KDM4B: variants seen among roughly 807,000 people sequenced by gnomAD.
KDM4B encodes the protein lysine-specific demethylase 4B.
KDM4B carries 32 observed loss-of-function variants against 125.2 expected under a neutral mutation model. That is an observed-to-expected ratio of 0.26 (90% confidence interval 0.19 to 0.34). The LOEUF (loss-of-function observed/expected upper bound fraction) is 0.34. Ranked by LOEUF, KDM4B falls within the 10% of genes least tolerant of loss-of-function variation. The probability of loss-of-function intolerance (pLI) is 1.00; values close to 1 mark genes in which losing one functional copy is unlikely to be tolerated. For synonymous variants in KDM4B, 721 were observed against 677.9 expected, an observed-to-expected ratio of 1.06 and a Z score of -0.99; for missense variants, 1,190 against 1,577.7, an observed-to-expected ratio of 0.75 and a Z score of 4.16.
At chr19:5,123,935 C>T (rs982729077) in intron 11 of KDM4B, among the ~76,000 whole-genome samples, 4 of 133,230 alleles carry the variant, frequency 3.0e-5, no homozygotes, top group Admixed American at 1.6e-4. Context: ...GAGGGACTGG[C>T]GTGGGACAGG....
intron 1 of KDM4B, among the ~76,000 whole-genome samples, chr19:5,009,602 G>A (rs1286153350): frequency 6.6e-6 from 1 of 152,200 alleles, no homozygotes; most frequent in Admixed American, 6.5e-5. Flanking sequence ...TAGACTCACT[G>A]AACTGTTGCA....
At chr19:5,109,622 G>C (rs1349994931) in intron 9 of KDM4B, among the ~76,000 whole-genome samples, 1 of 152,150 alleles carries the variant, frequency 6.6e-6, no homozygotes, top group African/African-American at 2.4e-5. Context: ...AGGCAAGCCG[G>C]CTGCAGCACA....
At chr19:5,084,669 C>G (rs1013890469) in intron 9 of KDM4B, among the ~76,000 whole-genome samples, 1 of 147,608 alleles carries the variant, frequency 6.8e-6, no homozygotes, top group African/African-American at 2.5e-5. Flanking sequence ...GGATTTTGGC[C>G]GGACATGATG....
intron 22 of KDM4B, 39 bp from the exon 23 acceptor site, chr19:5,151,296 C>A (rs2039942803): frequency 2.8e-6 from 4 of 1,432,174 alleles, no homozygotes; most frequent in Non-Finnish European, 3.7e-6. Context: ...CACAGAGTGT[C>A]TCCACCGTGC....
In KDM4B at chr19:5,114,119, C is replaced by G. The variant is rs1252968157; in HGVS notation, c.1115+3301C>G. 7.8e-7 allele frequency: 1 copy of G among 1,289,604 alleles called. No individual in the cohort carries two copies. 79.9% of individuals were successfully genotyped at this position (1,289,604 alleles called of 1,614,324 possible). On this transcript the variant is annotated intron_variant, in intron 10 of 22. Transcript: ENST00000159111. This position sits in a 1 kb window ranked among gnomAD's most constrained non-coding sequence, Gnocchi z 5.8. ...CGGTGGCGCTGTGCGTTCTGGTGCCCTGCCTGAGCCGGAGCCCTCACAGTG... is the reference window on the plus strand; with the variant it reads ...CGGTGGCGCTGTGCGTTCTGGTGCCGTGCCTGAGCCGGAGCCCTCACAGTG...
At chr19:5,043,900 G>A (rs1245605835) in intron 5 of KDM4B, among the ~76,000 whole-genome samples, 4 of 142,228 alleles carry the variant, frequency 2.8e-5, no homozygotes. Flanking sequence ...CGGAGTGGGG[G>A]TGTCCACCTT....
intron 5 of KDM4B, among the ~76,000 whole-genome samples, chr19:5,043,903 T>C (rs1399561014): frequency 1.4e-5 from 2 of 138,170 alleles, no homozygotes; most frequent in African/African-American, 5.8e-5. Context: ...AGTGGGGGTG[T>C]CCACCTTATC....
chr19:4,980,755 C>T (rs73536568), intron 1 of KDM4B, among the ~76,000 whole-genome samples: 1,713 of 152,202 alleles, frequency 0.011, 33 homozygotes, highest in African/African-American at 0.039. Flanking sequence ...TGGCTGCATC[C>T]TATTCCCCTG....
chr19:5,133,766 C>A, intron 13 of KDM4B, 117 bp from the exon 14 acceptor site: 3 of 1,040,496 alleles, frequency 2.9e-6, no homozygotes, highest in South Asian at 3.0e-5. Flanking sequence ...GGCCAGGGAC[C>A]CTGTGGGCAG....
At chr19:5,051,671 G>A (rs2037228405) in intron 6 of KDM4B, among the ~76,000 whole-genome samples, 1 of 152,248 alleles carries the variant, frequency 6.6e-6, no homozygotes, top group African/African-American at 2.4e-5. Flanking sequence ...GCTTAGGGAA[G>A]GGGGTGTCCC....
At chr19:5,132,064 G>T in intron 13 of KDM4B, 57 bp downstream of exon 13, 1 of 1,505,358 alleles carries the variant, frequency 6.6e-7, no homozygotes, top group Non-Finnish European at 8.9e-7. Flanking sequence ...CTCTGCTGCT[G>T]CTGGAGGGGG....
chr19:5,053,289 G>C (rs2037290341), intron 6 of KDM4B, among the ~76,000 whole-genome samples: 1 of 152,234 alleles, frequency 6.6e-6, no homozygotes, highest in Non-Finnish European at 1.5e-5. Flanking sequence ...TGGGAGGTCA[G>C]ACTGAGAAGA....
chr19:5,052,850 CACT>C (rs1282468007), intron 6 of KDM4B, among the ~76,000 whole-genome samples: 2 of 152,238 alleles, frequency 1.3e-5, no homozygotes, highest in Non-Finnish European at 2.9e-5. Flanking sequence ...GCGAGCCAAC[CACT>C]GGGACTTCCA....
At chr19:4,976,768 C>A (rs190597692) in intron 1 of KDM4B, among the ~76,000 whole-genome samples, 2 of 152,298 alleles carry the variant, frequency 1.3e-5, no homozygotes, top group East Asian at 3.9e-4. Flanking sequence ...GGCCATCGTG[C>A]GGTCAGTAGC....
Position 5,114,290 on chromosome 19 carries a change from T to C in KDM4B, c.1115+3472T>C. On this transcript the variant is annotated intron_variant, in intron 10 of 22. Transcript: ENST00000159111. This position sits in a 1 kb window ranked among gnomAD's most constrained non-coding sequence, Gnocchi z 5.8. ...GCCTCCCTGGCCCACTGCTGCTCTG[T>C]GAGCCCGGCTGGGCCCAGGCCTCGT... 3 of 1,226,342 alleles carry C rather than the reference T, an allele frequency of 2.4e-6. No homozygotes were observed. Among genetic ancestry groups the C allele is most frequent in the Non-Finnish European group, 3.2e-6 (3 of 930,936 alleles). 76.0% of individuals were successfully genotyped at this position (1,226,342 alleles called of 1,614,324 possible). A position where few individuals can be genotyped will look rare whatever the true frequency, so the allele number is the denominator to read the frequency against.
intron 2 of KDM4B, among the ~76,000 whole-genome samples, chr19:5,019,449 CGTGTTGGTGTGCAGGTGTGGGTGTTG>C (rs2036009844): frequency 1.5e-5 from 1 of 66,424 alleles, no homozygotes; most frequent in African/African-American, 6.2e-5. Flanking sequence ...TGTTGGTGTG[CGTGTTGGTGTGCAGGTGTGGGTGTTG>C]GTGTTGGTGT....
intron 3 of KDM4B, among the ~76,000 whole-genome samples, chr19:5,037,533 C>A (rs1352237702): frequency 6.6e-6 from 1 of 152,156 alleles, no homozygotes; most frequent in Non-Finnish European, 1.5e-5. Context: ...TGCACTGTGG[C>A]CATAGTGGAC....
intron 6 of KDM4B, among the ~76,000 whole-genome samples, chr19:5,050,224 G>A (rs1200294026): frequency 6.6e-6 from 1 of 152,234 alleles, no homozygotes; most frequent in African/African-American, 2.4e-5. Flanking sequence ...TACTTTGGTA[G>A]CTTGATTTGT....
chr19:5,129,573 G>T (rs771840825), intron 11 of KDM4B, among the ~76,000 whole-genome samples: 1 of 152,220 alleles, frequency 6.6e-6, no homozygotes, highest in African/African-American at 2.4e-5. Context: ...TATTTTTCCA[G>T]CCTGTTGGGG....
Sources: allele counts gnomAD v4.1 joint callset (sites outside exome capture counted in the v4.1 genomes callset), GRCh38; gene constraint gnomAD v4.1.1; non-coding constraint Gnocchi (gnomAD v3.1); transcripts MANE v1.5; gene names NCBI Gene and HGNC (gene_info 2026-07-23, HGNC 2026-07-21).